CADPS2: variants seen among roughly 807,000 people sequenced by gnomAD.
The protein encoded by CADPS2 is calcium dependent secretion activator 2, also known as calcium-dependent secretion activator 2.
Under a neutral mutation model 172.5 loss-of-function variants are expected in CADPS2, and 93 were observed. The ratio of observed to expected loss-of-function variants is 0.54; its 90% confidence interval spans 0.46 to 0.64. The LOEUF is 0.64. CADPS2 is among the 30% of genes least tolerant of loss of function. The pLI, the probability that CADPS2 is intolerant of heterozygous loss-of-function variation, is 0.00. For missense variants in CADPS2, 1,420 were observed against 1,565.9 expected (o/e 0.91, Z 1.57); for synonymous variants, 546 against 555.2 (o/e 0.98, Z 0.23).
At chr7:122,453,292 A>G (rs1172614881) in intron 14 of CADPS2, among the ~76,000 whole-genome samples, 4 of 152,296 alleles carry the variant, frequency 2.6e-5, no homozygotes, top group Admixed American at 2.0e-4. Context: ...AAAGCAGTGC[A>G]CCATGAGCTA....
At chr7:122,554,979 T>C (rs2064848337) in intron 7 of CADPS2, among the ~76,000 whole-genome samples, 3 of 152,040 alleles carry the variant, frequency 2.0e-5, no homozygotes, top group African/African-American at 7.2e-5. Context: ...CGTTGAAAAA[T>C]ACTCAAGAGA....
intron 2 of CADPS2, among the ~76,000 whole-genome samples, chr7:122,723,620 C>T (rs1180496886): frequency 6.6e-5 from 10 of 152,094 alleles, no homozygotes; most frequent in African/African-American, 1.7e-4. Context: ...GACAGTGTGG[C>T]GATTCCTCAA....
At chr7:122,464,557 G>C (rs1287008257) in intron 14 of CADPS2, among the ~76,000 whole-genome samples, 1 of 152,094 alleles carries the variant, frequency 6.6e-6, no homozygotes, top group Non-Finnish European at 1.5e-5. Flanking sequence ...TTACAGTAGA[G>C]AAATGTGACA....
chr7:122,686,970 C>A (rs970187494), intron 2 of CADPS2, among the ~76,000 whole-genome samples: 2 of 152,124 alleles, frequency 1.3e-5, no homozygotes, highest in South Asian at 4.1e-4. Flanking sequence ...CAGGGGTGAG[C>A]CACCACACCT....
chr7:122,384,837 T>C (rs2043433860), intron 24 of CADPS2, among the ~76,000 whole-genome samples: 1 of 152,098 alleles, frequency 6.6e-6, no homozygotes, highest in African/African-American at 2.4e-5. Flanking sequence ...TGTGTGTGTG[T>C]GCCTGTTTTT....
At chr7:122,432,643 T>TAAAAAAAAAAAAA (rs57311950) in intron 17 of CADPS2, among the ~76,000 whole-genome samples, 7 of 108,402 alleles carry the variant, frequency 6.5e-5, no homozygotes, top group African/African-American at 1.7e-4. Flanking sequence ...TCTGTTAAAA[T>TAAAAAAAAAAAAA]AAAAAAAAAA....
intron 11 of CADPS2, 77 bp downstream of exon 11, chr7:122,490,004 C>T: frequency 1.6e-6 from 2 of 1,215,712 alleles, no homozygotes; most frequent in East Asian, 5.0e-5. Context: ...AACTATAATA[C>T]TGAATACATT....
At chr7:122,587,471 T>C (rs971362231) in intron 6 of CADPS2, among the ~76,000 whole-genome samples, 1 of 152,140 alleles carries the variant, frequency 6.6e-6, no homozygotes, top group African/African-American at 2.4e-5. Flanking sequence ...CTGTATGGTA[T>C]TCCATGGTGT....
intron 28 of CADPS2, among the ~76,000 whole-genome samples, chr7:122,338,104 T>C (rs2036177547): frequency 6.6e-6 from 1 of 152,156 alleles, no homozygotes; most frequent in Non-Finnish European, 1.5e-5. Context: ...TGTTTATAAA[T>C]AAATTGCCTC....
intron 2 of CADPS2, among the ~76,000 whole-genome samples, chr7:122,709,153 G>C (rs931298562): frequency 2.0e-5 from 3 of 151,940 alleles, no homozygotes; most frequent in Non-Finnish European, 4.4e-5. Context: ...CCAAGGATGA[G>C]GACCAAAAGG....
At chr7:122,404,271 G>C (rs899476816) in intron 20 of CADPS2, among the ~76,000 whole-genome samples, 2 of 151,938 alleles carry the variant, frequency 1.3e-5, no homozygotes, top group Admixed American at 1.3e-4. Context: ...GCAACAGTTT[G>C]CTGAGAATGA....
At chr7:122,833,438 C>A (rs969960773) in intron 1 of CADPS2, among the ~76,000 whole-genome samples, 1 of 152,158 alleles carries the variant, frequency 6.6e-6, no homozygotes, top group African/African-American at 2.4e-5. Flanking sequence ...GCAACCTTTG[C>A]CTCCCGGGTT....
chr7:122,444,200 G>C (rs1413384693), intron 15 of CADPS2, among the ~76,000 whole-genome samples: 1 of 152,050 alleles, frequency 6.6e-6, no homozygotes, highest in African/African-American at 2.4e-5. Flanking sequence ...GGCATACACT[G>C]TGTATCTATT....
chr7:122,738,678 A>C (rs1267894151), intron 1 of CADPS2, among the ~76,000 whole-genome samples: 1 of 152,096 alleles, frequency 6.6e-6, no homozygotes, highest in Non-Finnish European at 1.5e-5. Flanking sequence ...ATTAAGTATA[A>C]ATCTGTTCAA....
At chr7:122,704,568 C>A (rs1317940246) in intron 2 of CADPS2, among the ~76,000 whole-genome samples, 1 of 152,008 alleles carries the variant, frequency 6.6e-6, no homozygotes, top group Non-Finnish European at 1.5e-5. Context: ...TAACCTGTAA[C>A]TATATTTTGC....
intron 2 of CADPS2, among the ~76,000 whole-genome samples, chr7:122,720,777 G>T (rs1346505087): frequency 6.6e-6 from 1 of 151,790 alleles, no homozygotes; most frequent in Non-Finnish European, 1.5e-5. Context: ...TAAGATTACT[G>T]CCACACATAG....
chr7:122,603,292 G>T (rs1218987341), intron 6 of CADPS2, among the ~76,000 whole-genome samples: 1 of 148,130 alleles, frequency 6.8e-6, no homozygotes, highest in African/African-American at 2.7e-5. Context: ...AAGGGACTTG[G>T]GAAACAAAAG....
At chr7:122,425,425 CAAA>C (rs71159797) in intron 17 of CADPS2, among the ~76,000 whole-genome samples, 37 of 72,666 alleles carry the variant, frequency 5.1e-4, no homozygotes, top group African/African-American at 1.1e-3. Flanking sequence ...CTATCTCTAC[CAAA>C]AAAAAAAAAA....
intron 4 of CADPS2, among the ~76,000 whole-genome samples, chr7:122,628,903 G>A (rs2076318485): frequency 6.6e-6 from 1 of 151,274 alleles, no homozygotes; most frequent in Admixed American, 6.6e-5. Flanking sequence ...GATTTTGCGG[G>A]GAGGAGTTTT....
Sources: gnomAD v4.1 joint callset for allele counts (sites outside exome capture counted in the v4.1 genomes callset) on GRCh38, gnomAD v4.1.1 for gene constraint, MANE v1.5 for transcripts, NCBI Gene and HGNC (gene_info 2026-07-23, HGNC 2026-07-21) for gene names.